The following CNTNAP2 variants were observed in gnomAD, a reference collection of about 807,000 sequenced individuals.
CNTNAP2 encodes contactin-associated protein-like 2.
In CNTNAP2, 98 loss-of-function variants were observed where a neutral mutation model predicts 155.2. That is an observed-to-expected ratio of 0.63 (90% CI 0.54 to 0.75). The LOEUF is 0.75. Ranked by LOEUF, CNTNAP2 falls within the 30% of genes least tolerant of loss-of-function variation. The pLI, the probability that CNTNAP2 is intolerant of heterozygous loss-of-function variation, is 0.00. For missense variants in CNTNAP2, 1,727 were observed against 1,688.1 expected, an observed-to-expected ratio of 1.02 and a Z score of -0.40; for synonymous variants, 651 against 631.2, an observed-to-expected ratio of 1.03 and a Z score of -0.47.
At position 147,287,001 on chromosome 7, in the gene CNTNAP2, A is replaced by G. The variant is rs559117044; in HGVS notation, c.1349-13140A>G. ...GTAATCTTTCTTTGTTAAAGAAAAA[A>G]AAATATTCAGTGACACTTGTTACGG... On this transcript the variant is annotated intron_variant, in intron 8 of 23. Transcript: ENST00000361727. Among the ~76,000 whole-genome samples the G allele has an allele frequency of 5.7e-4, 87 of 152,240 alleles. 2 individuals are homozygous for G. Among genetic ancestry groups the G allele is most frequent in the African/African-American group, 2.0e-3 (82 of 41,564 alleles).
chr7:147,874,942 C>T (rs1799397888), intron 13 of CNTNAP2, among the ~76,000 whole-genome samples: 1 of 152,148 alleles, frequency 6.6e-6, no homozygotes, highest in African/African-American at 2.4e-5. Context: ...CTCCAGTTCC[C>T]AACAAGTTCC....
chr7:146,345,428 CTGT>C (rs1794805125), intron 1 of CNTNAP2, among the ~76,000 whole-genome samples: 1 of 152,172 alleles, frequency 6.6e-6, no homozygotes, highest in Non-Finnish European at 1.5e-5. Context: ...TGAGGTCATT[CTGT>C]TGTTGACGTC....
chr7:147,834,676 G>A (rs1053245636), intron 13 of CNTNAP2, among the ~76,000 whole-genome samples: 9 of 152,190 alleles, frequency 5.9e-5, no homozygotes, highest in East Asian at 1.9e-4. Context: ...AACCCCAGAC[G>A]TATGGAGAAA....
At chr7:146,191,891 T>C (rs1028890012) in intron 1 of CNTNAP2, among the ~76,000 whole-genome samples, 1 of 152,140 alleles carries the variant, frequency 6.6e-6, no homozygotes, top group African/African-American at 2.4e-5. Context: ...GAACAATTTG[T>C]GCAGTTAACG....
intron 18 of CNTNAP2, among the ~76,000 whole-genome samples, chr7:148,178,713 C>G (rs1794986546): frequency 6.6e-6 from 1 of 152,206 alleles, no homozygotes; most frequent in Admixed American, 6.5e-5. Context: ...TAGTAACTAC[C>G]TCTTAAGGAT....
intron 9 of CNTNAP2, among the ~76,000 whole-genome samples, chr7:147,307,592 C>T (rs1198990179): frequency 6.6e-6 from 1 of 151,582 alleles, no homozygotes; most frequent in Non-Finnish European, 1.5e-5. Flanking sequence ...CCCCACCTGC[C>T]CCCCCAAAAA....
intron 15 of CNTNAP2, among the ~76,000 whole-genome samples, chr7:148,009,945 T>G (rs563865256): frequency 6.6e-6 from 1 of 152,242 alleles, no homozygotes; most frequent in Non-Finnish European, 1.5e-5. Flanking sequence ...TGTGCAAGAA[T>G]TTCTCTAAGG....
At chr7:146,536,590 T>TCCCCCCC (rs138445958) in intron 1 of CNTNAP2, among the ~76,000 whole-genome samples, 10 of 147,324 alleles carry the variant, frequency 6.8e-5, no homozygotes, top group Non-Finnish European at 1.2e-4. Context: ...TCCCCCATGT[T>TCCCCCCC]CCCCCCCCAC....
At chr7:148,055,340 A>G (rs1404819007) in intron 15 of CNTNAP2, among the ~76,000 whole-genome samples, 3 of 152,204 alleles carry the variant, frequency 2.0e-5, no homozygotes, top group Non-Finnish European at 2.9e-5. Context: ...CTCAGTAAAA[A>G]TCTCAGCAAT....
chr7:146,636,345 G>T (rs1196203828), intron 1 of CNTNAP2, among the ~76,000 whole-genome samples: 1 of 152,006 alleles, frequency 6.6e-6, no homozygotes, highest in African/African-American at 2.4e-5. Flanking sequence ...TTTTTAAAAG[G>T]CATTATATTA....
chr7:147,740,973 A>C (rs1796947158), intron 13 of CNTNAP2, among the ~76,000 whole-genome samples: 1 of 152,134 alleles, frequency 6.6e-6, no homozygotes, highest in South Asian at 2.1e-4. Context: ...AAAAAGCTAG[A>C]CTGCCATTTT....
At chr7:147,757,176 G>A (rs1347195205) in intron 13 of CNTNAP2, among the ~76,000 whole-genome samples, 2 of 152,126 alleles carry the variant, frequency 1.3e-5, no homozygotes, top group Non-Finnish European at 2.9e-5. Flanking sequence ...TTGTAATGAT[G>A]GCAGCTGCTT....
intron 8 of CNTNAP2, among the ~76,000 whole-genome samples, chr7:147,245,441 T>C (rs2116647025): frequency 6.6e-6 from 1 of 152,128 alleles, no homozygotes; most frequent in East Asian, 1.9e-4. Flanking sequence ...TCAGTTGCTG[T>C]TTCATCCCGG....
chr7:148,018,969 G>C (rs1235715769), intron 15 of CNTNAP2, among the ~76,000 whole-genome samples: 1 of 152,200 alleles, frequency 6.6e-6, no homozygotes, highest in Non-Finnish European at 1.5e-5. Flanking sequence ...TCCAAACATA[G>C]AGTTGTGTGA....
chr7:147,686,028 G>A (rs1796012942), intron 13 of CNTNAP2, among the ~76,000 whole-genome samples: 1 of 151,950 alleles, frequency 6.6e-6, no homozygotes, highest in African/African-American at 2.4e-5. Flanking sequence ...GCCATTAGTG[G>A]CATTTGAGCA....
At chr7:147,328,384 C>T (rs1795498510) in intron 9 of CNTNAP2, among the ~76,000 whole-genome samples, 1 of 152,164 alleles carries the variant, frequency 6.6e-6, no homozygotes, top group African/African-American at 2.4e-5. Context: ...AGGTTGTGAC[C>T]AGTACATTTG....
chr7:146,490,906 A>C (rs1342970975), intron 1 of CNTNAP2, among the ~76,000 whole-genome samples: 2 of 152,174 alleles, frequency 1.3e-5, no homozygotes, highest in Admixed American at 6.5e-5. Flanking sequence ...CTCACTTTGT[A>C]ATGGTGACTT....
chr7:147,639,289 G>A lies in CNTNAP2; in HGVS notation c.2081G>A (p.Arg694Lys). 6.2e-7 allele frequency: 1 copy of A among 1,614,036 alleles called. No individual in the cohort carries two copies. Among genetic ancestry groups the A allele is most frequent in the Non-Finnish European group, 8.5e-7 (1 of 1,179,976 alleles). ...QYVSYFCKMS[R>K]LLNTPDGSPY... is the part of the protein sequence containing the mutation. ...GTCTCCTATTTCTGCAAGATGTCAA[G>A]ATTGTTGAACACCCCAGGTAGGCTG... The change falls in exon 13 of 24, where the codon AGA becomes AAA. Residue 694 changes from arginine (R) to lysine (K), a missense_variant. Physicochemically the swap from Arg to Lys is conservative, Grantham distance 26. Transcript: ENST00000361727.
intron 15 of CNTNAP2, among the ~76,000 whole-genome samples, chr7:148,022,845 G>A (rs1319802378): frequency 6.6e-6 from 1 of 152,124 alleles, no homozygotes; most frequent in Non-Finnish European, 1.5e-5. Flanking sequence ...ATAACGATGA[G>A]AACAGACCTT....
Sources: allele counts gnomAD v4.1 joint callset (sites outside exome capture counted in the v4.1 genomes callset), GRCh38; gene constraint gnomAD v4.1.1; transcripts MANE v1.5; gene names NCBI Gene and HGNC (gene_info 2026-07-23, HGNC 2026-07-21).